Variants in CLVS1 observed in about 807,000 individuals in gnomAD.
The protein encoded by CLVS1 is clavesin 1.
CLVS1 carries 10 observed loss-of-function variants against 33.1 expected under a neutral mutation model. That is an observed-to-expected ratio of 0.30 (90% confidence interval 0.19 to 0.51). The LOEUF is 0.51. Ranked by LOEUF, CLVS1 falls within the 20% of genes least tolerant of loss-of-function variation. The probability of loss-of-function intolerance (pLI) is 0.97; values close to 1 mark genes in which losing one functional copy is unlikely to be tolerated. For missense variants in CLVS1, 343 were observed against 433.4 expected, an observed-to-expected ratio of 0.79 and a Z score of 1.85; for synonymous variants, 163 against 166.1, an observed-to-expected ratio of 0.98 and a Z score of 0.14.
the CLVS1 span, among the ~76,000 whole-genome samples, chr8:61,040,447 C>A: frequency 6.6e-6 from 1 of 152,232 alleles, no homozygotes. Context: ...TTTACATCTG[C>A]ACAAACAGTG....
chr8:61,134,731 T>C (rs987175032), intron 2 of CLVS1, among the ~76,000 whole-genome samples: 3 of 152,216 alleles, frequency 2.0e-5, no homozygotes, highest in African/African-American at 7.2e-5. Flanking sequence ...TTAAGGACCC[T>C]TGTGGTTACA....
chr8:61,482,318 T>TC (rs1818224611), intron 5 of CLVS1, among the ~76,000 whole-genome samples: 1 of 152,182 alleles, frequency 6.6e-6, no homozygotes, highest in South Asian at 2.1e-4. Context: ...ATGCAGCTCC[T>TC]CACCAGCAAT....
chr8:61,105,292 T>G (rs1805513933), intron 1 of CLVS1, among the ~76,000 whole-genome samples: 1 of 152,194 alleles, frequency 6.6e-6, no homozygotes, highest in South Asian at 2.1e-4. Flanking sequence ...TGGTTATAGC[T>G]TACACACATA....
At chr8:61,273,732 C>T (rs1258535756) in intron 2 of CLVS1, among the ~76,000 whole-genome samples, 3 of 152,228 alleles carry the variant, frequency 2.0e-5, no homozygotes, top group Non-Finnish European at 2.9e-5. Flanking sequence ...GCGCAGTATT[C>T]GGGTGGGAGT....
intron 2 of CLVS1, among the ~76,000 whole-genome samples, chr8:61,216,057 C>G (rs746361007): frequency 6.6e-6 from 1 of 152,104 alleles, no homozygotes; most frequent in Non-Finnish European, 1.5e-5. Context: ...AGAAAATATC[C>G]GCTTGCCTTC....
Position 61,344,479 on chromosome 8 carries a change from A to T in CLVS1, c.456-32126A>T, listed in dbSNP as rs188385279. On this transcript the variant is annotated intron_variant, in intron 2 of 5. Coordinates refer to ENST00000325897, the MANE Select transcript of CLVS1 (RefSeq NM_173519.3). ...TTAATTCAGTAGGACCAGGCAGGGC[A>T]AGAGGCTTAGCTCAAAATGGCAGGG... is the stretch of plus-strand genomic sequence containing the variant. 2.9e-3 allele frequency among the ~76,000 whole-genome samples: 448 copies of T among 152,356 alleles called. 2 individuals are homozygous for T. Among genetic ancestry groups the T allele is most frequent in the African/African-American group, 0.01 (416 of 41,586 alleles).
intron 2 of CLVS1, among the ~76,000 whole-genome samples, chr8:61,156,761 T>C (rs1050161729): frequency 1.3e-5 from 2 of 152,200 alleles, no homozygotes; most frequent in African/African-American, 4.8e-5. Flanking sequence ...GTGATAAAAA[T>C]CACTGTAGAG....
chr8:61,233,010 T>A (rs1441501997), intron 2 of CLVS1, among the ~76,000 whole-genome samples: 1 of 152,222 alleles, frequency 6.6e-6, no homozygotes, highest in Non-Finnish European at 1.5e-5. Context: ...ATATGTTTTT[T>A]AAGCATATCT....
chr8:61,422,122 T>G (rs1483909677), intron 3 of CLVS1, among the ~76,000 whole-genome samples: 1 of 152,008 alleles, frequency 6.6e-6, no homozygotes, highest in African/African-American at 2.4e-5. Context: ...GAACATTTTT[T>G]CTCCAGTTTT....
chr8:61,232,023 GTTTTTTT>G (rs1158042227), intron 2 of CLVS1, among the ~76,000 whole-genome samples: 73 of 62,622 alleles, frequency 1.2e-3, no homozygotes, highest in Non-Finnish European at 2.6e-3. Flanking sequence ...GAAAGTTGTG[GTTTTTTT>G]TTTTTTTTTT....
chr8:61,084,942 T>C (rs992442018), intron 1 of CLVS1, among the ~76,000 whole-genome samples: 5 of 152,234 alleles, frequency 3.3e-5, no homozygotes, highest in Admixed American at 2.0e-4. Flanking sequence ...TAGAAAGTCA[T>C]AGATATCTTG....
intron 1 of CLVS1, among the ~76,000 whole-genome samples, chr8:61,074,948 G>C (rs982365343): frequency 5.3e-5 from 8 of 152,088 alleles, no homozygotes; most frequent in African/African-American, 1.9e-4. Flanking sequence ...AATCTGGGGG[G>C]AAGCACACTT....
intron 1 of CLVS1, among the ~76,000 whole-genome samples, chr8:61,077,542 C>G (rs953947319): frequency 6.6e-6 from 1 of 151,176 alleles, no homozygotes; most frequent in Non-Finnish European, 1.5e-5. Flanking sequence ...GTGGCGCGAT[C>G]TCGGCTCACC....
In CLVS1 at chr8:61,079,092, C is replaced by A. The variant is rs534484294; in HGVS notation, c.-243+21862C>A. 5.3e-5 allele frequency among the ~76,000 whole-genome samples: 8 copies of A among 152,288 alleles called. No homozygotes were observed. In the East Asian group the frequency reaches 1.5e-3, roughly 29 times the overall value. On this transcript the variant is annotated intron_variant, in intron 1 of 2. Coordinates refer to the CLVS1 transcript ENST00000522621. ...ACGTTATTGGGGGAAAACTCAAAAACCGTCTGGTTTAGATTATAAAATATA... is the reference window on the plus strand; with the variant it reads ...ACGTTATTGGGGGAAAACTCAAAAAACGTCTGGTTTAGATTATAAAATATA...
At chr8:61,004,693 G>A in the CLVS1 span, among the ~76,000 whole-genome samples, 1 of 152,350 alleles carries the variant, frequency 6.6e-6, no homozygotes, top group South Asian at 2.1e-4. Context: ...GCCTGCGCGG[G>A]CCTGGAGGAG....
At chr8:61,276,903 A>G (rs911172231) in intron 2 of CLVS1, among the ~76,000 whole-genome samples, 2 of 152,228 alleles carry the variant, frequency 1.3e-5, no homozygotes, top group African/African-American at 4.8e-5. Context: ...CCAATGTCCC[A>G]AATAGATCCG....
chr8:61,310,285 G>T (rs112439033), intron 2 of CLVS1, among the ~76,000 whole-genome samples: 87 of 152,330 alleles, frequency 5.7e-4, no homozygotes, highest in African/African-American at 1.8e-3. Flanking sequence ...AGTGCTTACT[G>T]AGGCAGTAAT....
chr8:61,215,694 G>A (rs879869741), intron 2 of CLVS1, among the ~76,000 whole-genome samples: 127 of 30,392 alleles, frequency 4.2e-3, no homozygotes, highest in East Asian at 0.05. Context: ...GTGTGTGTGT[G>A]TGTGTGTGTG....
chr8:61,030,567 C>G, the CLVS1 span, among the ~76,000 whole-genome samples: 1 of 152,178 alleles, frequency 6.6e-6, no homozygotes, highest in South Asian at 2.1e-4. Context: ...CTCCTTCAGG[C>G]TTCTATTAAT....
Sources: gnomAD v4.1 joint callset for allele counts (sites outside exome capture counted in the v4.1 genomes callset) on GRCh38, gnomAD v4.1.1 for gene constraint, MANE v1.5 for transcripts, NCBI Gene and HGNC (gene_info 2026-07-23, HGNC 2026-07-21) for gene names.